TRIM71: variants seen among roughly 807,000 people sequenced by gnomAD.
The protein encoded by TRIM71 is tripartite motif containing 71.
TRIM71 carries 9 observed loss-of-function variants against 61.2 expected under a neutral mutation model. That is an observed-to-expected ratio of 0.15 (90% CI 0.09 to 0.26). TRIM71 has a LOEUF of 0.26. Ranked by LOEUF, TRIM71 falls within the 10% of genes least tolerant of loss-of-function variation. The pLI, the probability that TRIM71 is intolerant of heterozygous loss-of-function variation, is 1.00. For synonymous variants in TRIM71, 645 were observed against 553.2 expected, an observed-to-expected ratio of 1.17 and a Z score of -2.33; for missense variants, 998 against 1,238.7, an observed-to-expected ratio of 0.81 and a Z score of 2.92.
chr3:32,835,581 T>C (rs1181534284), intron 1 of TRIM71, among the ~76,000 whole-genome samples: 1 of 152,214 alleles, frequency 6.6e-6, no homozygotes, highest in Non-Finnish European at 1.5e-5. Context: ...CACTTGTCAT[T>C]TTAGGCTGTA....
chr3:32,854,259 G>C (rs968149737), intron 1 of TRIM71, among the ~76,000 whole-genome samples: 5 of 152,198 alleles, frequency 3.3e-5, no homozygotes, highest in African/African-American at 4.8e-5. Context: ...TTCCCAAAGT[G>C]CTGGGATTAC....
chr3:32,823,903 C>T (rs548240665), intron 1 of TRIM71, among the ~76,000 whole-genome samples: 1 of 152,168 alleles, frequency 6.6e-6, no homozygotes, highest in Non-Finnish European at 1.5e-5. Flanking sequence ...GAAACCCTGT[C>T]TCTACTAAAA....
intron 1 of TRIM71, among the ~76,000 whole-genome samples, chr3:32,872,817 T>A (rs1189230421): frequency 5.9e-5 from 9 of 152,328 alleles, no homozygotes; most frequent in Non-Finnish European, 1.3e-4. Context: ...GGGTGTTGTA[T>A]TTGTATACTG....
At position 32,874,667 on chromosome 3, in the gene TRIM71, C is replaced by T. The variant is rs142710985; in HGVS notation, c.1020+682C>T. ...CCTCCCGAGTAGCTGGGACTACAGG[C>T]GCCCACCACCACGCCCGGCTAATTT... On this transcript the variant is annotated intron_variant, in intron 2 of 3. Transcript: ENST00000383763. Among the ~76,000 whole-genome samples, 2 of 151,958 alleles carry T rather than the reference C, an allele frequency of 1.3e-5. 1 individual carries two copies. The highest frequency in any genetic ancestry group is 4.2e-4 in the South Asian group (2 of 4,808).
intron 1 of TRIM71, among the ~76,000 whole-genome samples, chr3:32,845,310 A>G (rs1696458949): frequency 6.6e-6 from 1 of 152,168 alleles, no homozygotes; most frequent in South Asian, 2.1e-4. Flanking sequence ...ACATGGCTCA[A>G]ACCCACAGAA....
intron 1 of TRIM71, among the ~76,000 whole-genome samples, chr3:32,860,241 C>T (rs2125684775): frequency 6.6e-6 from 1 of 151,858 alleles, no homozygotes; most frequent in East Asian, 1.9e-4. Flanking sequence ...TCACTGCAAC[C>T]TCCACTTCCC....
intron 1 of TRIM71, among the ~76,000 whole-genome samples, chr3:32,872,095 C>A (rs780479671): frequency 1.3e-5 from 2 of 152,070 alleles, no homozygotes; most frequent in Non-Finnish European, 2.9e-5. Context: ...TGCAGTGAGC[C>A]GAGATCGCGT....
intron 1 of TRIM71, among the ~76,000 whole-genome samples, chr3:32,837,757 CATT>C (rs1696351255): frequency 1.3e-5 from 2 of 152,014 alleles, no homozygotes; most frequent in Non-Finnish European, 2.9e-5. Flanking sequence ...AGTGAGCCGA[CATT>C]ATACCACTGC....
At chr3:32,843,677 G>A (rs372290108) in intron 1 of TRIM71, among the ~76,000 whole-genome samples, 13 of 152,156 alleles carry the variant, frequency 8.5e-5, no homozygotes, top group Non-Finnish European at 1.3e-4. Context: ...GCCCGCCTGC[G>A]TGCTTATCCC....
intron 1 of TRIM71, among the ~76,000 whole-genome samples, chr3:32,858,015 T>A (rs1696624752): frequency 6.6e-6 from 1 of 152,162 alleles, no homozygotes; most frequent in Non-Finnish European, 1.5e-5. Flanking sequence ...ACGTGTTTAC[T>A]ATTTAAGTGG....
At chr3:32,820,135 G>A (rs967299604) in intron 1 of TRIM71, among the ~76,000 whole-genome samples, 1 of 152,246 alleles carries the variant, frequency 6.6e-6, no homozygotes, top group Non-Finnish European at 1.5e-5. Flanking sequence ...TCTTGACTTA[G>A]AGCGTAAGCT....
intron 2 of TRIM71, among the ~76,000 whole-genome samples, chr3:32,883,352 ACAGCAGGC>A (rs1206776463): frequency 6.6e-6 from 1 of 152,232 alleles, no homozygotes; most frequent in Non-Finnish European, 1.5e-5. Flanking sequence ...ATTACTTAAA[ACAGCAGGC>A]CAGAAGGCCA....
chr3:32,870,808 A>G (rs758401883), intron 1 of TRIM71, among the ~76,000 whole-genome samples: 3 of 152,112 alleles, frequency 2.0e-5, no homozygotes, highest in Non-Finnish European at 4.4e-5. Flanking sequence ...AGAACTTACT[A>G]CTTGTTCTGT....
At chr3:32,864,031 G>C (rs1037733147) in intron 1 of TRIM71, among the ~76,000 whole-genome samples, 1 of 152,006 alleles carries the variant, frequency 6.6e-6, no homozygotes, top group Admixed American at 6.6e-5. Context: ...TATGTACCAC[G>C]GTGTATGTTG....
At chr3:32,861,570 AT>A (rs1290153925) in intron 1 of TRIM71, among the ~76,000 whole-genome samples, 1 of 152,166 alleles carries the variant, frequency 6.6e-6, no homozygotes, top group African/African-American at 2.4e-5. Context: ...CTACAAAAAA[AT>A]AAAAATCATT....
chr3:32,854,892 G>A (rs1008639655), intron 1 of TRIM71, among the ~76,000 whole-genome samples: 3 of 152,132 alleles, frequency 2.0e-5, no homozygotes, highest in Admixed American at 6.5e-5. Context: ...TCCAGCCTTC[G>A]TTGTACAGTG....
chr3:32,865,766 T>C (rs1696726000), intron 1 of TRIM71, among the ~76,000 whole-genome samples: 1 of 146,448 alleles, frequency 6.8e-6, no homozygotes, highest in South Asian at 2.2e-4. Context: ...TTTCACTATC[T>C]GGACCTTTTA....
Position 32,818,093 on chromosome 3 carries a change from C to G in TRIM71, c.13C>G (p.Pro5Ala), listed in dbSNP as rs746524808. The change falls in exon 1 of 4, where the codon CCC becomes GCC. Residue 5 changes from proline (P) to alanine (A), a missense_variant. Around this residue, in one of 5 missense-constraint regions of TRIM71, gnomAD observed 527 missense variants for 427.8 expected, o/e 1.23. Transcript: ENST00000383763. ...GGCTGGGTTGCAAATGGCTTCGTTC[C>G]CCGAGACCGATTTCCAGATCTGCTT... Reference protein sequence around the residue: MASFPETDFQICLLC... With the variant: MASFAETDFQICLLC... 1.5e-5 allele frequency: 24 copies of G among 1,610,170 alleles called. No homozygotes were observed. In the East Asian group the frequency reaches 5.2e-4, roughly 35 times the overall value.
intron 1 of TRIM71, among the ~76,000 whole-genome samples, chr3:32,868,034 T>A (rs1490210170): frequency 6.6e-6 from 1 of 152,150 alleles, no homozygotes; most frequent in African/African-American, 2.4e-5. Flanking sequence ...CTGCTGAGAC[T>A]GCCAGAACGC....
Sources: gnomAD v4.1 joint callset for allele counts (sites outside exome capture counted in the v4.1 genomes callset) on GRCh38, gnomAD v4.1.1 for gene constraint, gnomAD v4.1.1 regional missense constraint, MANE v1.5 for transcripts, NCBI Gene and HGNC (gene_info 2026-07-23, HGNC 2026-07-21) for gene names.